FNTA: variants seen among roughly 807,000 people sequenced by gnomAD.
FNTA encodes the protein protein farnesyltransferase/geranylgeranyltransferase type-1 subunit alpha.
Under a neutral mutation model 55.2 loss-of-function variants are expected in FNTA, and 27 were observed. The observed-to-expected ratio is 0.49, with a 90% confidence interval of 0.36 to 0.67. FNTA has a LOEUF of 0.67. Ranked by LOEUF, FNTA falls within the 30% of genes least tolerant of loss-of-function variation. FNTA has a pLI of 0.00. For synonymous variants in FNTA, 176 were observed against 170.7 expected, an observed-to-expected ratio of 1.03 and a Z score of -0.24; for missense variants, 422 against 464.7, an observed-to-expected ratio of 0.91 and a Z score of 0.85.
At chr8:43,074,014 A>G (rs992821102) in intron 5 of FNTA, among the ~76,000 whole-genome samples, 5 of 152,206 alleles carry the variant, frequency 3.3e-5, no homozygotes, top group Admixed American at 2.0e-4. Context: ...CATGACATAT[A>G]TATTAAAAAC....
At chr8:43,081,361 A>C (rs1429347738) in intron 6 of FNTA, 2 of 152,194 alleles carry the variant, frequency 1.3e-5, no homozygotes, top group African/African-American at 4.8e-5. Context: ...CTTTTTCTAG[A>C]CTATGAGTGC....
At chr8:43,085,043 G>T (rs1307911302) in intron 8 of FNTA, 117 bp from the exon 9 acceptor site, 1 of 1,126,048 alleles carries the variant, frequency 8.9e-7, no homozygotes, top group Admixed American at 2.5e-5. Context: ...CACAGCCGGT[G>T]ACTCTTAATA....
At chr8:43,060,158 G>A (rs1810497714) in intron 2 of FNTA, among the ~76,000 whole-genome samples, 1 of 152,086 alleles carries the variant, frequency 6.6e-6, no homozygotes, top group African/African-American at 2.4e-5. Flanking sequence ...ATATATAACT[G>A]CACGGAAATG....
intron 1 of FNTA, among the ~76,000 whole-genome samples, chr8:43,057,710 C>G (rs567395424): frequency 3.3e-5 from 5 of 152,162 alleles, no homozygotes; most frequent in Non-Finnish European, 7.3e-5. Flanking sequence ...GTAATCCCAG[C>G]ACTTTGGGAG....
At position 43,085,245 on chromosome 8, in the gene FNTA, G is replaced by A; in HGVS notation, c.1103G>A (p.Ser368Asn). 6.2e-7 allele frequency: 1 copy of A among 1,608,824 alleles called. No homozygotes were observed. The highest frequency in any genetic ancestry group is 8.5e-7 in the Non-Finnish European group (1 of 1,178,646). Residue 368 changes from serine to asparagine, a missense_variant, in exon 9 of 9, where the codon AGC (serine) becomes AAC (asparagine). This residue lies in a region of FNTA where 262 missense variants were observed against 343.1 expected (regional missense o/e 0.76). Coordinates refer to ENST00000302279, the MANE Select transcript of FNTA (RefSeq NM_002027.3). ...GGAAGATCCCTTCAAAGCAAACACA[G>A]CACAGAAAATGACTCACCAACAAAT... The part of the protein sequence containing the change: ...YIGRSLQSKH[S>N]TENDSPTNVQ...
chr8:43,066,262 CTT>C (rs36087115), intron 3 of FNTA, among the ~76,000 whole-genome samples: 1 of 140,862 alleles, frequency 7.1e-6, no homozygotes. Flanking sequence ...TGTGAATATG[CTT>C]TTTTTTTTTT....
At chr8:43,082,924 TAGTCCC>T (rs1563331207) in intron 6 of FNTA, 188 bp from the exon 7 acceptor site, 21 of 355,030 alleles carry the variant, frequency 5.9e-5, no homozygotes, top group Non-Finnish European at 9.3e-5. Flanking sequence ...TGGGCGCCTG[TAGTCCC>T]AGCTACTCGG....
chr8:43,075,833 T>G (rs1810897037), intron 5 of FNTA, among the ~76,000 whole-genome samples: 1 of 151,888 alleles, frequency 6.6e-6, no homozygotes. Flanking sequence ...ATAATAGAAA[T>G]TTATATCTTT....
At chr8:43,077,425 C>G (rs529293967) in intron 6 of FNTA, 61 bp downstream of exon 6, 2 of 1,373,880 alleles carry the variant, frequency 1.5e-6, no homozygotes, top group Non-Finnish European at 2.0e-6. Context: ...TACCATATCT[C>G]AGGCACTGGG....
At chr8:43,063,824 T>C (rs1810591068) in intron 2 of FNTA, among the ~76,000 whole-genome samples, 1 of 152,212 alleles carries the variant, frequency 6.6e-6, no homozygotes, top group Non-Finnish European at 1.5e-5. Context: ...ATTTTTCTTT[T>C]ATACATAAGG....
chr8:43,083,251 C>A, intron 7 of FNTA, 71 bp downstream of exon 7: 1 of 824,604 alleles, frequency 1.2e-6, no homozygotes, highest in South Asian at 1.8e-5. Context: ...GGAGTGTATT[C>A]CATAATCAGA....
intron 5 of FNTA, chr8:43,076,633 T>G (rs1290623475): frequency 6.6e-6 from 1 of 152,240 alleles, no homozygotes; most frequent in African/African-American, 2.4e-5. Context: ...ATCCCAGCAC[T>G]TTAGGAGCCC....
chr8:43,060,241 T>C (rs1441186635), intron 2 of FNTA, among the ~76,000 whole-genome samples: 2 of 152,202 alleles, frequency 1.3e-5, no homozygotes, highest in African/African-American at 4.8e-5. Flanking sequence ...TATGAAGAGA[T>C]ATTAACCTTA....
At chr8:43,061,890 T>G (rs1473851929) in intron 2 of FNTA, among the ~76,000 whole-genome samples, 1 of 152,086 alleles carries the variant, frequency 6.6e-6, no homozygotes, top group African/African-American at 2.4e-5. Context: ...TGGCTAATTT[T>G]GCATTTTTAG....
intron 3 of FNTA, among the ~76,000 whole-genome samples, chr8:43,065,736 C>G (rs932240831): frequency 6.6e-6 from 1 of 151,414 alleles, no homozygotes; most frequent in African/African-American, 2.5e-5. Flanking sequence ...TGGTTTTCAG[C>G]TCATTCATGT....
chr8:43,079,727 T>C (rs1810986659), intron 6 of FNTA: 1 of 152,230 alleles, frequency 6.6e-6, no homozygotes, highest in African/African-American at 2.4e-5. Context: ...CTACCATAGA[T>C]AGTGATTCCT....
At chr8:43,066,799 TGGGG>T (rs1432456453) in intron 3 of FNTA, among the ~76,000 whole-genome samples, 1 of 152,054 alleles carries the variant, frequency 6.6e-6, no homozygotes, top group Non-Finnish European at 1.5e-5. Flanking sequence ...AGTTACTGAG[TGGGG>T]ATGTGGCTGT....
chr8:43,072,440 T>C, intron 5 of FNTA, 133 bp downstream of exon 5: 1 of 532,876 alleles, frequency 1.9e-6, no homozygotes, highest in Non-Finnish European at 2.8e-6. Context: ...AACTAAAAAT[T>C]ATTGGCCATG....
intron 1 of FNTA, 44 bp downstream of exon 1, chr8:43,056,590 G>C: frequency 8.1e-7 from 1 of 1,227,492 alleles, no homozygotes; most frequent in Non-Finnish European, 1.0e-6. Context: ...CTCCCTGGAG[G>C]CCCAGCGGCC....
Sources: allele counts gnomAD v4.1 joint callset (sites outside exome capture counted in the v4.1 genomes callset), GRCh38; gene constraint gnomAD v4.1.1; regional missense constraint gnomAD v4.1.1; transcripts MANE v1.5; gene names NCBI Gene and HGNC (gene_info 2026-07-23, HGNC 2026-07-21).